Variants in NINJ2 observed in about 807,000 individuals in gnomAD.
NINJ2 encodes ninjurin 2, also known as ninjurin-2.
A neutral mutation model predicts 11.7 loss-of-function variants in NINJ2; 12 were observed. The observed-to-expected ratio is 1.02, with a 90% confidence interval of 0.66 to 1.66. The LOEUF (loss-of-function observed/expected upper bound fraction) is 1.66, where lower values mean the gene tolerates loss of function less well. Ranked by LOEUF, NINJ2 falls within the 40% of genes most tolerant of loss-of-function variation. The pLI, the probability that NINJ2 is intolerant of heterozygous loss-of-function variation, is 0.00. For synonymous variants in NINJ2, 93 were observed against 76.8 expected (o/e 1.21, Z -1.10); for missense variants, 187 against 181.8 (o/e 1.03, Z -0.16).
intron 1 of NINJ2, chr12:641,099 G>T (rs997369358): frequency 6.6e-6 from 1 of 152,206 alleles, no homozygotes; most frequent in Non-Finnish European, 1.5e-5. Flanking sequence ...ATTTGACAAT[G>T]TGCTTGTACT....
At chr12:601,590 G>A (rs1425462113) in intron 1 of NINJ2, among the ~76,000 whole-genome samples, 5 of 152,066 alleles carry the variant, frequency 3.3e-5, no homozygotes, top group African/African-American at 1.2e-4. Context: ...ATAGCCAGGT[G>A]CGGTGGCTCA....
At chr12:587,253 C>A (rs1398667994) in intron 1 of NINJ2, among the ~76,000 whole-genome samples, 1 of 152,180 alleles carries the variant, frequency 6.6e-6, no homozygotes, top group Admixed American at 6.5e-5. Context: ...ACGGGGAGGT[C>A]TGCATCCAGG....
chr12:639,535 G>A (rs1397651143), intron 1 of NINJ2, among the ~76,000 whole-genome samples: 3 of 152,056 alleles, frequency 2.0e-5, no homozygotes, highest in African/African-American at 4.8e-5. Context: ...TCAGAATGCT[G>A]TGTAAGAATG....
At chr12:647,481 C>G (rs905399770) in intron 1 of NINJ2, among the ~76,000 whole-genome samples, 1 of 152,100 alleles carries the variant, frequency 6.6e-6, no homozygotes, top group African/African-American at 2.4e-5. Context: ...GAAGTTTGGA[C>G]TTGAGAGGCT....
intron 1 of NINJ2, among the ~76,000 whole-genome samples, chr12:631,569 G>A (rs1948282674): frequency 1.3e-5 from 2 of 152,006 alleles, no homozygotes; most frequent in Admixed American, 1.3e-4. Context: ...TCACCATGTT[G>A]GCCAGGATGG....
rs565689019 is a variant in NINJ2 at position 583,984 on chromosome 12, G to A, written c.34-17806C>T. ...AAAATATTAAGCATCGTCTTGAGGC[G>A]ATAGGATATCAGATATTATTTTCTT... On this transcript the variant is annotated intron_variant, in intron 1 of 3. Coordinates refer to ENST00000305108, the MANE Select transcript of NINJ2 (RefSeq NM_016533.6). Among the ~76,000 whole-genome samples, 26 of 152,180 alleles carry A rather than the reference G, an allele frequency of 1.7e-4. No individual in the cohort carries two copies. In the South Asian group the frequency reaches 4.8e-3, roughly 28 times the overall value.
intron 1 of NINJ2, among the ~76,000 whole-genome samples, chr12:579,510 C>CAAACA (rs55989841): frequency 2.6e-5 from 4 of 151,434 alleles, no homozygotes; most frequent in Admixed American, 1.3e-4. Context: ...CAAAACAAAA[C>CAAACA]AAACAAAACA....
At chr12:620,590 C>T (rs1469423436) in intron 1 of NINJ2, among the ~76,000 whole-genome samples, 4 of 152,034 alleles carry the variant, frequency 2.6e-5, no homozygotes, top group Non-Finnish European at 5.9e-5. Flanking sequence ...ATTATGATTA[C>T]TTGGAAGGAT....
rs1947429129 is a variant in NINJ2 at position 574,679 on chromosome 12, G to A, written c.34-8501C>T. Among the ~76,000 whole-genome samples, 3 of 152,222 alleles carry A rather than the reference G, an allele frequency of 2.0e-5. No homozygotes were observed. In the South Asian group the frequency reaches 6.2e-4, roughly 32 times the overall value. On this transcript the variant is annotated intron_variant, in intron 1 of 3. Transcript: ENST00000305108. ...CAGTGCAATGTTCTTGGACTTGCCA[G>A]TCTCCAGAACCATGAGCCAAATACA... is the stretch of plus-strand genomic sequence containing the variant.
chr12:627,001 T>C (rs1948217792), intron 1 of NINJ2, among the ~76,000 whole-genome samples: 1 of 152,080 alleles, frequency 6.6e-6, no homozygotes, highest in Non-Finnish European at 1.5e-5. Flanking sequence ...GGAAAGGTTG[T>C]CTGAGCCTAG....
intron 1 of NINJ2, among the ~76,000 whole-genome samples, chr12:600,075 G>C (rs73596235): frequency 1.3e-5 from 2 of 152,146 alleles, no homozygotes; most frequent in East Asian, 1.9e-4. Flanking sequence ...TACTCCTTCC[G>C]AACGCCTGAG....
intron 1 of NINJ2, among the ~76,000 whole-genome samples, chr12:639,059 C>G (rs766020755): frequency 6.6e-6 from 1 of 152,106 alleles, no homozygotes; most frequent in Non-Finnish European, 1.5e-5. Context: ...AGGCACAGTA[C>G]AAAACCCTCT....
At chr12:579,826 T>C (rs546741820) in intron 1 of NINJ2, among the ~76,000 whole-genome samples, 4 of 152,376 alleles carry the variant, frequency 2.6e-5, no homozygotes, top group South Asian at 4.1e-4. Flanking sequence ...ACAGATCCTA[T>C]GGTGTTTCTT....
intron 1 of NINJ2, among the ~76,000 whole-genome samples, chr12:593,612 G>C (rs1947744668): frequency 6.6e-6 from 1 of 152,134 alleles, no homozygotes; most frequent in Admixed American, 6.5e-5. Context: ...CTACTCAAGA[G>C]GCTGAGGTGG....
intron 1 of NINJ2, among the ~76,000 whole-genome samples, chr12:658,720 G>A (rs371339752): frequency 7.1e-6 from 1 of 140,986 alleles, no homozygotes; most frequent in Non-Finnish European, 1.6e-5. Flanking sequence ...GCTATGCTAT[G>A]CTATGCTAAT....
At chr12:613,446 A>G (rs376476279) in intron 1 of NINJ2, among the ~76,000 whole-genome samples, 19 of 152,196 alleles carry the variant, frequency 1.2e-4, no homozygotes, top group African/African-American at 4.6e-4. Context: ...CATCTCTACT[A>G]AAAGTACAAA....
intron 1 of NINJ2, among the ~76,000 whole-genome samples, chr12:586,918 G>GA (rs1201313236): frequency 6.6e-6 from 1 of 152,200 alleles, no homozygotes; most frequent in African/African-American, 2.4e-5. Context: ...TGGTATTGTG[G>GA]AATGGAGTTG....
chr12:629,419 G>A (rs528157749), intron 1 of NINJ2, among the ~76,000 whole-genome samples: 7 of 152,180 alleles, frequency 4.6e-5, no homozygotes, highest in South Asian at 4.1e-4. Context: ...GTCCAATGGC[G>A]GGGAGAGTAC....
chr12:638,707 G>T (rs377397420), intron 1 of NINJ2, among the ~76,000 whole-genome samples: 87 of 152,318 alleles, frequency 5.7e-4, no homozygotes, highest in African/African-American at 1.7e-3. Flanking sequence ...GAGCCACCGC[G>T]CCCGGCCGAC....
Sources: allele counts gnomAD v4.1 joint callset (sites outside exome capture counted in the v4.1 genomes callset), GRCh38; gene constraint gnomAD v4.1.1; transcripts MANE v1.5; gene names NCBI Gene and HGNC (gene_info 2026-07-23, HGNC 2026-07-21).